Variants in ANO9 observed in about 807,000 individuals in gnomAD.
The protein encoded by ANO9 is anoctamin 9.
A neutral mutation model predicts 100.5 loss-of-function variants in ANO9; 80 were observed. That is an observed-to-expected ratio of 0.80 (90% CI 0.66 to 0.96). The LOEUF is 0.96. ANO9 is among the 40% of genes least tolerant of loss of function. ANO9 has a pLI of 0.00. For missense variants in ANO9, 1,064 were observed against 1,072.7 expected (o/e 0.99, Z 0.11); for synonymous variants, 473 against 435.6 (o/e 1.09, Z -1.07).
At chr11:418,652 G>A (rs76681188) in intron 22 of ANO9, 63 bp from the exon 23 acceptor site, 97,608 of 1,610,374 alleles carry the variant, frequency 0.061, 4,535 homozygotes, top group East Asian at 0.24. Flanking sequence ...GGGGTTCAGG[G>A]CCGGGGAGAA....
chr11:420,954 T>C lies in ANO9; in HGVS notation c.1481A>G (p.Tyr494Cys). Reference sequence around the variant, plus strand: ...GGGGGTCGGCACTCACGGGACCAGGTACTCGACGCAGTTGCTGAGCGTCTG... The same window carrying C: ...GGGGGTCGGCACTCACGGGACCAGGCACTCGACGCAGTTGCTGAGCGTCTG... ...LKQTLSNCVEYLVPWVTHKCR... is the reference protein window; with the variant it reads ...LKQTLSNCVECLVPWVTHKCR... Residue 494 changes from tyrosine to cysteine, a missense_variant, in exon 17 of 23, where the codon TAC becomes TGC. Physicochemically the swap from Tyr to Cys is radical, Grantham distance 194. Transcript: ENST00000332826. 2 of 1,604,770 alleles carry C rather than the reference T, an allele frequency of 1.2e-6. No individual in the cohort carries two copies. The highest frequency in any genetic ancestry group is 1.7e-6 in the Non-Finnish European group (2 of 1,174,644).
At chr11:439,325 C>A (rs923630805) in intron 1 of ANO9, among the ~76,000 whole-genome samples, 6 of 152,246 alleles carry the variant, frequency 3.9e-5, no homozygotes, top group Admixed American at 1.3e-4. Context: ...CTGTAGCCTG[C>A]AGGAGACCCT....
rs141775699 is a variant in ANO9, at chr11:421,163, G to T, written c.1370C>A (p.Ala457Glu). Reference protein sequence around the residue: ...NGHPGKSTRLAGLWKLEECHA... With the variant: ...NGHPGKSTRLEGLWKLEECHA... ...GACCTCTTCCAGCTTCCACAAGCCC[G>T]CCAGGCGCGTGGACTTCCCGGGGTG... Residue 457 changes from alanine to glutamate, a missense_variant, in exon 16 of 23, where the codon GCG becomes GAG. Coordinates refer to ENST00000332826, the MANE Select transcript of ANO9 (RefSeq NM_001012302.3). The surrounding 1 kb of genome is among the most constrained non-coding windows in gnomAD (Gnocchi z 6.8). 28 of 1,565,864 alleles carry T rather than the reference G, an allele frequency of 1.8e-5. No individual in the cohort carries two copies. The highest frequency in any genetic ancestry group is 9.5e-5 in the African/African-American group (7 of 74,016).
At chr11:425,741 GT>G (rs958728196) in intron 15 of ANO9, among the ~76,000 whole-genome samples, 1 of 149,926 alleles carries the variant, frequency 6.7e-6, no homozygotes, top group African/African-American at 2.5e-5. Flanking sequence ...TGTTTGTTTT[GT>G]TTTTTTTGAG....
intron 1 of ANO9, among the ~76,000 whole-genome samples, chr11:441,181 G>A (rs1185720539): frequency 6.6e-6 from 1 of 152,152 alleles, no homozygotes; most frequent in Non-Finnish European, 1.5e-5. Flanking sequence ...CAGGCCGAGA[G>A]GGAGGCTGGT....
intron 15 of ANO9, among the ~76,000 whole-genome samples, chr11:427,513 C>T (rs1392932775): frequency 6.6e-6 from 1 of 151,954 alleles, no homozygotes; most frequent in Non-Finnish European, 1.5e-5. Context: ...AGGAGGATCG[C>T]TCGAGCCCAG....
chr11:435,229 G>A (rs1277020987), intron 1 of ANO9, among the ~76,000 whole-genome samples: 1 of 151,054 alleles, frequency 6.6e-6, no homozygotes, highest in Middle Eastern at 3.2e-3. Flanking sequence ...GCATAGGGTA[G>A]TATGGTATAG....
chr11:419,328 G>A (rs1848034852), intron 20 of ANO9: 2 of 1,410,182 alleles, frequency 1.4e-6, no homozygotes. Context: ...TTCTGGCAGG[G>A]CCTACTCAGG....
At position 431,837 on chromosome 11, in the gene ANO9, C is replaced by A; in HGVS notation, c.465+11G>T. On this transcript the variant is annotated intron_variant, in intron 6 of 22. Transcript: ENST00000332826. ...ACCCCAGGGCCCTCTCCAGGCCAGCCCACCCCTCACCTTGTGCAGGGGGAA... is the reference window on the plus strand; with the variant it reads ...ACCCCAGGGCCCTCTCCAGGCCAGCACACCCCTCACCTTGTGCAGGGGGAA... 6.2e-7 allele frequency: 1 copy of A among 1,611,016 alleles called. No individual in the cohort carries two copies. The highest frequency in any genetic ancestry group is 1.1e-5 in the South Asian group (1 of 91,026).
chr11:436,554 G>T (rs1212554678), intron 1 of ANO9, among the ~76,000 whole-genome samples: 1 of 151,090 alleles, frequency 6.6e-6, no homozygotes, highest in Non-Finnish European at 1.5e-5. Flanking sequence ...TCAGGCAGGG[G>T]GTTGGTCCAC....
At chr11:429,953 G>T (rs891560994) in intron 9 of ANO9, 130 bp downstream of exon 9, 10 of 1,283,864 alleles carry the variant, frequency 7.8e-6, no homozygotes, top group Non-Finnish European at 1.1e-5. Context: ...CTGGGGCTGG[G>T]CCTCCCCGTC....
intron 1 of ANO9, among the ~76,000 whole-genome samples, chr11:437,780 G>A (rs1845478997): frequency 6.6e-6 from 1 of 152,210 alleles, no homozygotes; most frequent in Non-Finnish European, 1.5e-5. Flanking sequence ...GTGTTGTGTT[G>A]GAGGGATTCA....
rs1183312754 is a variant in ANO9, at chr11:429,753, C to A, written c.832+5G>T. 11 of 1,611,378 alleles carry A rather than the reference C, an allele frequency of 6.8e-6. No homozygotes were observed. The highest frequency in any genetic ancestry group is 2.7e-5 in the African/African-American group (2 of 74,884). ...GCCCCGCAGAGGCGTCCCGCAGCAA[C>A]TCACCCCAGAGAGCCATGAAGATGG... On this transcript the variant is annotated splice_donor_5th_base_variant and intron_variant, in intron 10 of 22. Transcript: ENST00000332826.
At chr11:427,935 A>G (rs1031435722) in intron 15 of ANO9, among the ~76,000 whole-genome samples, 153 bp downstream of exon 15, 3 of 149,110 alleles carry the variant, frequency 2.0e-5, no homozygotes, top group Non-Finnish European at 3.0e-5. Flanking sequence ...AGCTGGGCTC[A>G]CTGCAGGCTT....
intron 1 of ANO9, among the ~76,000 whole-genome samples, chr11:435,771 GTAGTC>G (rs796425254): frequency 4.1e-5 from 6 of 145,106 alleles, no homozygotes; most frequent in Non-Finnish European, 6.1e-5. Flanking sequence ...CTAGTATGGT[GTAGTC>G]TAGTCTAGTC....
rs375312167 is a variant in ANO9 at position 432,080 on chromosome 11, C to T, written c.351-26G>A. ...CTCAAGAGCCAGAGCAGGGTGGCCCCGTGTGACCACAGTGGACCCTGCCTC... is the reference window on the plus strand; with the variant it reads ...CTCAAGAGCCAGAGCAGGGTGGCCCTGTGTGACCACAGTGGACCCTGCCTC... On this transcript the variant is annotated intron_variant, in intron 4 of 22. Transcript: ENST00000332826. This position sits in a 1 kb window ranked among gnomAD's most constrained non-coding sequence, Gnocchi z 4.8. The T allele has an allele frequency of 1.8e-5, 29 of 1,612,010 alleles. No homozygotes were observed. Among genetic ancestry groups the T allele is most frequent in the Admixed American group, 3.3e-5 (2 of 59,948 alleles).
chr11:433,954 T>G lies in ANO9; in HGVS notation c.82-17A>C. On this transcript the variant is annotated splice_polypyrimidine_tract_variant and intron_variant, in intron 2 of 22. Coordinates refer to ENST00000332826, the MANE Select transcript of ANO9 (RefSeq NM_001012302.3). The stretch of plus-strand genomic sequence containing the variant: ...GGCCTCGGTCTGCAGGGAGGAGGCA[T>G]GGGGCCAGGCGCAGGTGAAGGGGCA... 1 of 1,556,644 alleles carries G rather than the reference T, an allele frequency of 6.4e-7. No individual in the cohort carries two copies. Among genetic ancestry groups the G allele is most frequent in the Admixed American group, 2.0e-5 (1 of 51,200 alleles).
At chr11:430,858 A>C (rs188548829) in intron 7 of ANO9, among the ~76,000 whole-genome samples, 67 of 2,882 alleles carry the variant, frequency 0.023, no homozygotes, top group Admixed American at 0.026. Flanking sequence ...GTGGGGGCTC[A>C]CGCGGGTATC....
intron 15 of ANO9, among the ~76,000 whole-genome samples, chr11:427,845 G>A (rs1227248961): frequency 6.6e-6 from 1 of 150,912 alleles, no homozygotes; most frequent in African/African-American, 2.4e-5. Flanking sequence ...TGCCAGTGCT[G>A]TTATGCGCCT....
Sources: allele counts gnomAD v4.1 joint callset (sites outside exome capture counted in the v4.1 genomes callset), GRCh38; gene constraint gnomAD v4.1.1; non-coding constraint Gnocchi (gnomAD v3.1); transcripts MANE v1.5; gene names NCBI Gene and HGNC (gene_info 2026-07-23, HGNC 2026-07-21).